RSL1D1: variants seen among roughly 807,000 people sequenced by gnomAD.
RSL1D1 encodes the protein ribosomal L1 domain-containing protein 1.
A neutral mutation model predicts 44.6 loss-of-function variants in RSL1D1; 34 were observed. The ratio of observed to expected loss-of-function variants is 0.76; its 90% CI spans 0.58 to 1.02. RSL1D1 has a LOEUF of 1.02. Ranked by LOEUF, RSL1D1 falls within the 50% of genes least tolerant of loss-of-function variation. The pLI is 0.00. For synonymous variants in RSL1D1, 271 were observed against 207.4 expected (o/e 1.31, Z -2.63); for missense variants, 767 against 568.1 (o/e 1.35, Z -3.56).
chr16:11,841,517 C>G (rs2141251505), intron 7 of RSL1D1, 178 bp downstream of exon 7: 1 of 560,188 alleles, frequency 1.8e-6, no homozygotes, highest in East Asian at 3.0e-5. Context: ...CATCAACTAC[C>G]TCATGTAAAG....
At chr16:11,846,403 AAAAC>A in intron 5 of RSL1D1, 94 bp downstream of exon 5, 5 of 728,008 alleles carry the variant, frequency 6.9e-6, no homozygotes, top group Non-Finnish European at 9.0e-6. Flanking sequence ...TCAAAAAAAA[AAAAC>A]AAAAACAAAA....
intron 2 of RSL1D1, 131 bp from the exon 3 acceptor site, chr16:11,847,937 G>C (rs2141255128): frequency 1.1e-6 from 1 of 908,134 alleles, no homozygotes. Context: ...AGCAAATAAT[G>C]CACCAAGAAC....
intron 1 of RSL1D1, chr16:11,851,183 A>G (rs549925665): frequency 4.2e-5 from 25 of 598,650 alleles, no homozygotes; most frequent in Non-Finnish European, 7.2e-5. Context: ...CTAGCTCCAC[A>G]GCACACTTGC....
chr16:11,844,616 C>T (rs1452868120), intron 5 of RSL1D1, among the ~76,000 whole-genome samples: 2 of 152,198 alleles, frequency 1.3e-5, no homozygotes, highest in Non-Finnish European at 2.9e-5. Context: ...CCCTGCTCTG[C>T]TCTACCTGGA....
In RSL1D1 at chr16:11,837,770, C is replaced by T. The variant is rs1212777141; in HGVS notation, c.*17G>A. 2 of 1,583,836 alleles carry T rather than the reference C, an allele frequency of 1.3e-6. No homozygotes were observed. The highest frequency in any genetic ancestry group is 2.2e-5 in the East Asian group (1 of 44,612). On this transcript the variant is annotated 3_prime_UTR_variant, in exon 9 of 9. Coordinates refer to ENST00000571133, the MANE Select transcript of RSL1D1 (RefSeq NM_015659.3). Reference sequence around the variant, plus strand: ...TGGAGGCAGCATTGAGGTTTCCTTCCAGTTGAATCACTGACTTTAGGTCGA... The same window carrying T: ...TGGAGGCAGCATTGAGGTTTCCTTCTAGTTGAATCACTGACTTTAGGTCGA...
rs1474815891 is a variant in RSL1D1 at position 11,835,495 on chromosome 16, G to A, written c.*2292C>T. On this transcript the variant is annotated 3_prime_UTR_variant, in exon 9 of 9. Coordinates refer to ENST00000571133, the MANE Select transcript of RSL1D1 (RefSeq NM_015659.3). Reference sequence around the variant, plus strand: ...CTCATTTTTTTTGAGACTGGGCCAGGGAAGGGGGCAGTGGGCCAGGGACTG... The same window carrying A: ...CTCATTTTTTTTGAGACTGGGCCAGAGAAGGGGGCAGTGGGCCAGGGACTG... The A allele has an allele frequency of 6.6e-6, 1 of 150,842 alleles. No individual in the cohort carries two copies. Among genetic ancestry groups the A allele is most frequent in the South Asian group, 2.1e-4 (1 of 4,770 alleles). The allele number at this position is 150,842 out of a possible 1,614,324, so 9.3% of individuals were successfully genotyped here.
Position 11,841,967 on chromosome 16 carries a change from A to G in RSL1D1, c.669T>C (p.Ile223=). 1 of 1,613,954 alleles carries G rather than the reference A, an allele frequency of 6.2e-7. No individual in the cohort carries two copies. The highest frequency in any genetic ancestry group is 8.5e-7 in the Non-Finnish European group (1 of 1,179,952). Residue 223 remains isoleucine (I), a synonymous_variant, in exon 6 of 9, where the codon ATT becomes ATC. Transcript: ENST00000571133. ...AIRIGHVGMQ[I]EHIIENIVAV... is the part of the protein sequence containing the mutation. ...CAACAATGTTTTCAATGATGTGCTC[A>G]ATTTGCATTCCAACGTGACCAATAC...
At chr16:11,851,238 C>T in intron 1 of RSL1D1, 170 bp downstream of exon 1, 1 of 676,026 alleles carries the variant, frequency 1.5e-6, no homozygotes, top group South Asian at 1.6e-5. Context: ...GGAAAGCAGG[C>T]GCCCACCCAC....
At chr16:11,851,273 A>T in intron 1 of RSL1D1, 135 bp downstream of exon 1, 1 of 811,488 alleles carries the variant, frequency 1.2e-6, no homozygotes, top group Non-Finnish European at 2.1e-6. Flanking sequence ...GAGACAGCTG[A>T]GGCACACGGC....
At chr16:11,849,188 A>G (rs778853276) in intron 2 of RSL1D1, 1 of 152,306 alleles carries the variant, frequency 6.6e-6, no homozygotes, top group Non-Finnish European at 1.5e-5. Context: ...GTTCGAGACC[A>G]GCCTGGAGAA....
At chr16:11,846,327 G>A (rs1275479232) in intron 5 of RSL1D1, among the ~76,000 whole-genome samples, 174 bp downstream of exon 5, 3 of 151,140 alleles carry the variant, frequency 2.0e-5, no homozygotes, top group Non-Finnish European at 4.4e-5. Flanking sequence ...CCCAGGAGGC[G>A]GAGCTTGCAG....
At chr16:11,842,035 A>G (rs774002796) in intron 5 of RSL1D1, 35 bp from the exon 6 acceptor site, 11 of 1,479,508 alleles carry the variant, frequency 7.4e-6, no homozygotes, top group Non-Finnish European at 1.0e-5. Flanking sequence ...AAGATTTTAA[A>G]AAACCATTTT....
At chr16:11,838,713 C>A (rs1477361997) in intron 8 of RSL1D1, among the ~76,000 whole-genome samples, 1 of 149,832 alleles carries the variant, frequency 6.7e-6, no homozygotes, top group African/African-American at 2.5e-5. Context: ...AAAAATTAGC[C>A]AGGCATGTTG....
At chr16:11,844,324 T>C (rs1396383712) in intron 5 of RSL1D1, among the ~76,000 whole-genome samples, 8 of 152,230 alleles carry the variant, frequency 5.3e-5, no homozygotes. Flanking sequence ...AAGCTGTTGC[T>C]TTTGCCTTGG....
At position 11,841,829 on chromosome 16, in the gene RSL1D1, A is replaced by C. The variant is rs746849709; in HGVS notation, c.730-9T>G. ...TTCACGCTCTCCCACTTCTGAAACA[A>C]AGAAAAGAGTAACATCGTCTACATA... On this transcript the variant is annotated splice_polypyrimidine_tract_variant and intron_variant, in intron 6 of 8. Coordinates refer to ENST00000571133, the MANE Select transcript of RSL1D1 (RefSeq NM_015659.3). 1.0e-5 allele frequency: 16 copies of C among 1,574,928 alleles called. No homozygotes were observed. The Admixed American group carries it at 2.5e-4, about 25-fold the overall frequency.
intron 2 of RSL1D1, among the ~76,000 whole-genome samples, chr16:11,850,078 C>G (rs1424353117): frequency 6.6e-6 from 1 of 152,160 alleles, no homozygotes; most frequent in Non-Finnish European, 1.5e-5. Flanking sequence ...CCGTCCACCT[C>G]GGCCTCCCAA....
intron 5 of RSL1D1, among the ~76,000 whole-genome samples, chr16:11,845,432 T>TA (rs1246461422): frequency 6.6e-6 from 1 of 152,204 alleles, no homozygotes; most frequent in African/African-American, 2.4e-5. Context: ...AGTGGCACGA[T>TA]AAAGGACAAG....
intron 5 of RSL1D1, 54 bp from the exon 6 acceptor site, chr16:11,842,054 A>C (rs2053767517): frequency 3.1e-6 from 4 of 1,282,368 alleles, no homozygotes; most frequent in Non-Finnish European, 2.2e-6. Flanking sequence ...TTTCAAAATA[A>C]ACCAGGCAGG....
intron 8 of RSL1D1, 136 bp downstream of exon 8, chr16:11,839,558 TC>T: frequency 2.4e-5 from 13 of 552,904 alleles, no homozygotes; most frequent in Admixed American, 7.0e-5. Flanking sequence ...GTACAATAAA[TC>T]ATGATATGAT....
Sources: gnomAD v4.1 joint callset for allele counts (sites outside exome capture counted in the v4.1 genomes callset) on GRCh38, gnomAD v4.1.1 for gene constraint, MANE v1.5 for transcripts, NCBI Gene and HGNC (gene_info 2026-07-23, HGNC 2026-07-21) for gene names.